Variants in CLEC12A observed in about 807,000 individuals in gnomAD.
The protein encoded by CLEC12A is C-type lectin domain family 12 member A, also known as C-type lectin protein CLL-1.
CLEC12A carries 22 observed loss-of-function variants against 26.5 expected under a neutral mutation model. That is an observed-to-expected ratio of 0.83 (90% CI 0.59 to 1.19). CLEC12A has a LOEUF of 1.19. CLEC12A is among the 50% of genes most tolerant of loss of function. The probability of loss-of-function intolerance (pLI) is 0.00; values close to 1 mark genes in which losing one functional copy is unlikely to be tolerated. For missense variants in CLEC12A, 353 were observed against 315.6 expected (o/e 1.12, Z -0.90); for synonymous variants, 119 against 101.9 (o/e 1.17, Z -1.01).
intron 4 of CLEC12A, chr12:9,992,961 C>G (rs991479900): frequency 7.5e-6 from 4 of 530,402 alleles, no homozygotes; most frequent in Non-Finnish European, 1.0e-5. Flanking sequence ...GATAAACTCA[C>G]GTGATGGCTT....
At chr12:9,978,761 A>G (rs1864436879) in intron 1 of CLEC12A, among the ~76,000 whole-genome samples, 1 of 152,176 alleles carries the variant, frequency 6.6e-6, no homozygotes. Context: ...CAATTTACAT[A>G]CAAAACAATT....
downstream of CLEC12A, among the ~76,000 whole-genome samples, chr12:9,988,047 G>A (rs1185657967): frequency 6.6e-6 from 1 of 152,112 alleles, no homozygotes; most frequent in East Asian, 1.9e-4. Context: ...GGACTTTTGG[G>A]AAGACATGAT....
At chr12:10,001,145 C>T in the CLEC12A span, among the ~76,000 whole-genome samples, 1 of 152,066 alleles carries the variant, frequency 6.6e-6, no homozygotes. Flanking sequence ...TGTTTATTAA[C>T]AAAAACTTTA....
At chr12:9,988,200 T>G (rs1309556240), downstream of CLEC12A, among the ~76,000 whole-genome samples, 1 of 152,074 alleles carries the variant, frequency 6.6e-6, no homozygotes, top group Non-Finnish European at 1.5e-5. Context: ...TGGGAGATAA[T>G]TAAATCATGA....
chr12:9,989,310 A>C (rs1412803133), downstream of CLEC12A, among the ~76,000 whole-genome samples: 2 of 152,006 alleles, frequency 1.3e-5, no homozygotes, highest in African/African-American at 4.8e-5. Flanking sequence ...ACATGTATAA[A>C]TATGTAACTA....
chr12:9,965,558 G>A (rs1392845076), intron 1 of CLEC12A, among the ~76,000 whole-genome samples: 1 of 151,858 alleles, frequency 6.6e-6, no homozygotes, highest in East Asian at 1.9e-4. Flanking sequence ...GCATGTTTGA[G>A]ACCCAGAACA....
At chr12:9,987,754 T>C (rs1483014593), downstream of CLEC12A, among the ~76,000 whole-genome samples, 2 of 152,162 alleles carry the variant, frequency 1.3e-5, no homozygotes, top group Admixed American at 1.3e-4. Flanking sequence ...GTTTGTTTTT[T>C]TGTTTTGTTT....
the CLEC12A span, among the ~76,000 whole-genome samples, chr12:10,000,780 T>G: frequency 3.3e-5 from 5 of 152,204 alleles, no homozygotes; most frequent in African/African-American, 9.6e-5. Flanking sequence ...GGTTTGATCC[T>G]CCCTCTCTTC....
chr12:9,959,098 G>A (rs1217413056), intron 1 of CLEC12A, among the ~76,000 whole-genome samples: 1 of 152,132 alleles, frequency 6.6e-6, no homozygotes, highest in East Asian at 1.9e-4. Context: ...TCTGCATCTT[G>A]TTACTGGGCT....
At chr12:9,987,526 G>A (rs1218223737), downstream of CLEC12A, among the ~76,000 whole-genome samples, 1 of 152,160 alleles carries the variant, frequency 6.6e-6, no homozygotes, top group Non-Finnish European at 1.5e-5. Context: ...GTGGGCTGAG[G>A]CAATTTTACT....
chr12:9,999,835 G>A (rs1349304973), downstream of CLEC12A, among the ~76,000 whole-genome samples: 1 of 152,186 alleles, frequency 6.6e-6, no homozygotes, highest in East Asian at 1.9e-4. Flanking sequence ...TGGAATGGAA[G>A]AATTTTGATT....
chr12:9,969,484 G>C (rs371224982), upstream of CLEC12A, among the ~76,000 whole-genome samples: 138 of 152,252 alleles, frequency 9.1e-4, no homozygotes, highest in African/African-American at 3.0e-3. Flanking sequence ...GTTTTAGCTG[G>C]CTCTAAACCA....
chr12:9,955,095 C>G (rs889420025), intron 1 of CLEC12A, among the ~76,000 whole-genome samples: 1 of 152,048 alleles, frequency 6.6e-6, no homozygotes, highest in Admixed American at 6.5e-5. Context: ...CTTTATGTTT[C>G]TTTTTTTTAA....
At chr12:9,978,313 G>T (rs1408915478) in intron 1 of CLEC12A, among the ~76,000 whole-genome samples, 1 of 151,864 alleles carries the variant, frequency 6.6e-6, no homozygotes, top group Non-Finnish European at 1.5e-5. Context: ...TCTATTCTGG[G>T]CTTCACTATT....
At chr12:9,997,339 G>C (rs1433697842), downstream of CLEC12A, 1 of 1,462,498 alleles carries the variant, frequency 6.8e-7, no homozygotes, top group Non-Finnish European at 9.3e-7. Context: ...TGATGCAAAG[G>C]TCTGTCATTG....
At chr12:9,995,345 G>A in exon 5 of CLEC12A, 1 of 941,968 alleles carries the variant, frequency 1.1e-6, no homozygotes, top group Admixed American at 1.7e-5. Context: ...AAAAATGTTG[G>A]ATTACATGTC....
chr12:9,978,287 T>A (rs1280938815), intron 1 of CLEC12A, among the ~76,000 whole-genome samples: 1 of 152,120 alleles, frequency 6.6e-6, no homozygotes, highest in African/African-American at 2.4e-5. Flanking sequence ...TGTTTTTTTT[T>A]TAAATAGAGA....
chr12:9,998,777 G>A (rs564719639), downstream of CLEC12A, among the ~76,000 whole-genome samples: 164 of 152,028 alleles, frequency 1.1e-3, no homozygotes, highest in Non-Finnish European at 2.0e-3. Flanking sequence ...ACTCTTTTCC[G>A]TTATCCCCTT....
At chr12:9,955,850 G>A (rs1189479611) in intron 1 of CLEC12A, among the ~76,000 whole-genome samples, 1 of 152,186 alleles carries the variant, frequency 6.6e-6, no homozygotes, top group Non-Finnish European at 1.5e-5. Context: ...CCTGATAAAT[G>A]ATGTAGACAT....
Sources: allele counts gnomAD v4.1 joint callset (sites outside exome capture counted in the v4.1 genomes callset), GRCh38; gene constraint gnomAD v4.1.1; transcripts MANE v1.5; gene names NCBI Gene and HGNC (gene_info 2026-07-23, HGNC 2026-07-21).